CNTN4: variants seen among roughly 807,000 people sequenced by gnomAD.
The protein encoded by CNTN4 is contactin-4.
CNTN4 carries 77 observed loss-of-function variants against 122.5 expected under a neutral mutation model. The ratio of observed to expected loss-of-function variants is 0.63; its 90% CI spans 0.52 to 0.76. CNTN4 has a LOEUF of 0.76. CNTN4 is among the 30% of genes least tolerant of loss of function. The probability of loss-of-function intolerance (pLI) is 0.00; values close to 1 mark genes in which losing one functional copy is unlikely to be tolerated. For synonymous variants in CNTN4, 512 were observed against 447.0 expected, an observed-to-expected ratio of 1.15 and a Z score of -1.83; for missense variants, 1,256 against 1,259.1, an observed-to-expected ratio of 1.00 and a Z score of 0.04.
chr3:2,369,223 C>A (rs1575479432), intron 3 of CNTN4, among the ~76,000 whole-genome samples: 1 of 151,998 alleles, frequency 6.6e-6, no homozygotes, highest in South Asian at 2.1e-4. Context: ...ACACCTGGCC[C>A]CAAAATTGTG....
At chr3:2,216,974 A>G (rs1181953829) in intron 2 of CNTN4, among the ~76,000 whole-genome samples, 1 of 152,204 alleles carries the variant, frequency 6.6e-6, no homozygotes, top group African/African-American at 2.4e-5. Flanking sequence ...TCAAATAACT[A>G]GACTTCTCTT....
chr3:2,323,886 G>T (rs1278330466), intron 2 of CNTN4, among the ~76,000 whole-genome samples: 2 of 152,154 alleles, frequency 1.3e-5, no homozygotes, highest in Non-Finnish European at 2.9e-5. Flanking sequence ...TTGGAAATCT[G>T]TACCGTGCAT....
chr3:2,974,465 C>G (rs78446743), intron 13 of CNTN4, among the ~76,000 whole-genome samples: 11,762 of 152,220 alleles, frequency 0.077, 608 homozygotes, highest in Non-Finnish European at 0.11. Context: ...CACAAAAAAC[C>G]TATGAAATTC....
At position 2,601,027 on chromosome 3, in the gene CNTN4, T is replaced by C. The variant is rs1355047072; in HGVS notation, c.55+29469T>C. ...TTGAGAAGTGTCTGTTCATATTCAT[T>C]GCCCACTTTTTGATGGGGTTGTTGT... is the stretch of plus-strand genomic sequence containing the variant. On this transcript the variant is annotated intron_variant, in intron 4 of 24. Transcript: ENST00000418658. Among the ~76,000 whole-genome samples the C allele has an allele frequency of 5.3e-5, 8 of 152,188 alleles. No individual in the cohort carries two copies. The East Asian group carries it at 9.6e-4, about 18-fold the overall frequency.
chr3:2,281,587 G>A (rs544526135), intron 2 of CNTN4, among the ~76,000 whole-genome samples: 1 of 152,088 alleles, frequency 6.6e-6, no homozygotes, highest in South Asian at 2.1e-4. Flanking sequence ...GTCATGCCTG[G>A]CAATGTCATT....
chr3:2,978,558 G>C (rs530532331), intron 13 of CNTN4, among the ~76,000 whole-genome samples: 1 of 152,298 alleles, frequency 6.6e-6, no homozygotes, highest in East Asian at 1.9e-4. Context: ...CCAGGAATGG[G>C]CTTTTATATG....
At chr3:2,522,299 G>A (rs1187514677) in intron 3 of CNTN4, among the ~76,000 whole-genome samples, 1 of 151,964 alleles carries the variant, frequency 6.6e-6, no homozygotes, top group African/African-American at 2.4e-5. Context: ...TCAAATTGAT[G>A]TAGTATTTTA....
chr3:2,779,156 C>T (rs1483551511), intron 6 of CNTN4, among the ~76,000 whole-genome samples: 1 of 152,142 alleles, frequency 6.6e-6, no homozygotes, highest in Non-Finnish European at 1.5e-5. Context: ...GTAGTTAGAG[C>T]AATGATTTTA....
chr3:2,251,543 A>G (rs945733984), intron 2 of CNTN4, among the ~76,000 whole-genome samples: 1 of 151,924 alleles, frequency 6.6e-6, no homozygotes, highest in Non-Finnish European at 1.5e-5. Context: ...AATGAAAAAA[A>G]GAATGAATTT....
chr3:2,614,820 G>A (rs1434319978), intron 4 of CNTN4, among the ~76,000 whole-genome samples: 2 of 152,030 alleles, frequency 1.3e-5, no homozygotes, highest in African/African-American at 4.8e-5. Flanking sequence ...GAAGAGACTA[G>A]GCCTGGAGAT....
At chr3:2,182,746 T>G (rs2149290008) in intron 2 of CNTN4, among the ~76,000 whole-genome samples, 1 of 152,216 alleles carries the variant, frequency 6.6e-6, no homozygotes, top group Non-Finnish European at 1.5e-5. Flanking sequence ...TGAAGCTATT[T>G]TCCAAGCAAA....
In CNTN4 at chr3:2,709,005, C is replaced by G. The variant is rs1459311139; in HGVS notation, c.56-27210C>G. The stretch of plus-strand genomic sequence containing the variant: ...CATGTACGTATTTTAATGGGCGTTG[C>G]TACTTGGATCTTCAGAATACATGAT... On this transcript the variant is annotated intron_variant, in intron 4 of 24. Coordinates refer to ENST00000418658, the MANE Select transcript of CNTN4 (RefSeq NM_175607.3). The surrounding 1 kb of genome is among the most constrained non-coding windows in gnomAD (Gnocchi z 5.0). Among the ~76,000 whole-genome samples, 1 of 152,100 alleles carries G rather than the reference C, an allele frequency of 6.6e-6. No individual in the cohort carries two copies. The highest frequency in any genetic ancestry group is 1.5e-5 in the Non-Finnish European group (1 of 68,024).
chr3:2,923,349 G>A (rs1030323198), intron 12 of CNTN4, among the ~76,000 whole-genome samples: 2 of 151,612 alleles, frequency 1.3e-5, no homozygotes, highest in Non-Finnish European at 2.9e-5. Context: ...GTCAGTTCAG[G>A]GGTTTGCATT....
intron 12 of CNTN4, among the ~76,000 whole-genome samples, chr3:2,917,350 G>GGGAGAT (rs59760834): frequency 0.019 from 2,917 of 151,062 alleles, 92 homozygotes; most frequent in African/African-American, 0.067. Context: ...GAGAGGAAGA[G>GGGAGAT]GGAGACGGAG....
At chr3:2,659,121 A>G (rs921114255) in intron 4 of CNTN4, among the ~76,000 whole-genome samples, 11 of 152,150 alleles carry the variant, frequency 7.2e-5, no homozygotes, top group African/African-American at 2.7e-4. Context: ...CATTAGAGAC[A>G]GAATTGATAC....
intron 3 of CNTN4, chr3:2,362,424 TG>T: frequency 2.7e-6 from 1 of 367,888 alleles, no homozygotes. Flanking sequence ...CCATCTTCTG[TG>T]GGATCCTGGA....
At chr3:2,165,774 G>C (rs1219807875) in intron 2 of CNTN4, among the ~76,000 whole-genome samples, 1 of 151,996 alleles carries the variant, frequency 6.6e-6, no homozygotes, top group African/African-American at 2.4e-5. Context: ...ATATAAGTGA[G>C]ATCACGCAGT....
intron 7 of CNTN4, among the ~76,000 whole-genome samples, chr3:2,844,805 G>C (rs1046159453): frequency 6.6e-6 from 1 of 152,162 alleles, no homozygotes; most frequent in African/African-American, 2.4e-5. Context: ...GCATTATAGA[G>C]GCTCTCTCAA....
At chr3:2,432,269 G>A (rs1228856783) in intron 3 of CNTN4, among the ~76,000 whole-genome samples, 1 of 152,118 alleles carries the variant, frequency 6.6e-6, no homozygotes, top group Non-Finnish European at 1.5e-5. Flanking sequence ...ATGCATTCAT[G>A]TGTCCAATAA....
Sources: gnomAD v4.1 joint callset for allele counts (sites outside exome capture counted in the v4.1 genomes callset) on GRCh38, gnomAD v4.1.1 for gene constraint, Gnocchi (gnomAD v3.1) non-coding constraint, MANE v1.5 for transcripts, NCBI Gene and HGNC (gene_info 2026-07-23, HGNC 2026-07-21) for gene names.